The following GLP2R variants were observed in gnomAD, a reference collection of about 807,000 sequenced individuals.
GLP2R encodes glucagon like peptide 2 receptor, also known as glucagon-like peptide 2 receptor.
In GLP2R, 59 loss-of-function variants were observed where a neutral mutation model predicts 68.2. The ratio of observed to expected loss-of-function variants is 0.87; its 90% CI spans 0.70 to 1.07. The LOEUF is 1.07. Ranked by LOEUF, GLP2R falls within the 50% of genes least tolerant of loss-of-function variation. GLP2R has a pLI of 0.00. For synonymous variants in GLP2R, 270 were observed against 265.4 expected (o/e 1.02, Z -0.17); for missense variants, 548 against 677.4 (o/e 0.81, Z 2.12).
chr17:9,825,947 G>A lies in GLP2R; in HGVS notation c.-117G>A. On this transcript the variant is annotated 5_prime_UTR_variant, in exon 1 of 13. Coordinates refer to ENST00000262441, the MANE Select transcript of GLP2R (RefSeq NM_004246.3). ...TCAGACACTCTCGGCGCAGCGTGGAGAGGATTTGTGCAAACATTTCCTCTG... is the reference window on the plus strand; with the variant it reads ...TCAGACACTCTCGGCGCAGCGTGGAAAGGATTTGTGCAAACATTTCCTCTG... 1.2e-6 allele frequency: 1 copy of A among 830,042 alleles called. No individual in the cohort carries two copies. 51.4% of individuals were successfully genotyped at this position (830,042 alleles called of 1,614,324 possible).
chr17:9,853,489 G>C (rs2066910378), intron 4 of GLP2R, among the ~76,000 whole-genome samples: 1 of 152,162 alleles, frequency 6.6e-6, no homozygotes, highest in Admixed American at 6.5e-5. Flanking sequence ...AAAGATGAGA[G>C]AGAGAAAGTG....
In GLP2R at chr17:9,890,161, G is replaced by A. The variant is rs1357364348; in HGVS notation, c.*456G>A. 4 of 426,710 alleles carry A rather than the reference G, an allele frequency of 9.4e-6. No homozygotes were observed. The highest frequency in any genetic ancestry group is 1.9e-5 in the Non-Finnish European group (4 of 214,972). 26.4% of individuals were successfully genotyped at this position (426,710 alleles called of 1,614,324 possible). A position where few individuals can be genotyped will look rare whatever the true frequency, so the allele number is the denominator to read the frequency against. On this transcript the variant is annotated 3_prime_UTR_variant, in exon 13 of 13. Transcript: ENST00000262441. ...GACTTGTGGCTAAGATTCTAAGACAGTGAGTCTGGGACCATGGCCAGGAAT... is the reference window on the plus strand; with the variant it reads ...GACTTGTGGCTAAGATTCTAAGACAATGAGTCTGGGACCATGGCCAGGAAT...
intron 11 of GLP2R, among the ~76,000 whole-genome samples, chr17:9,886,023 G>A (rs907520297): frequency 1.3e-5 from 2 of 152,204 alleles, no homozygotes; most frequent in East Asian, 3.8e-4. Context: ...GTGGGCAGAG[G>A]ACTCCCACCT....
At chr17:9,857,255 G>A (rs1475694871) in intron 5 of GLP2R, among the ~76,000 whole-genome samples, 168 bp from the exon 6 acceptor site, 3 of 152,152 alleles carry the variant, frequency 2.0e-5, no homozygotes, top group Admixed American at 6.6e-5. Flanking sequence ...TACAAATGAC[G>A]AAACTGAGGC....
intron 10 of GLP2R, among the ~76,000 whole-genome samples, chr17:9,871,763 C>T (rs1455681482): frequency 4.0e-5 from 5 of 125,618 alleles, no homozygotes; most frequent in African/African-American, 5.7e-5. Context: ...TTGCTCTTGT[C>T]GCCCAGGCTG....
chr17:9,862,081 C>T lies in GLP2R; in HGVS notation c.1047C>T (p.Leu349=). Residue 349 remains leucine (L), a synonymous_variant, in exon 9 of 13, where the codon CTC becomes CTT. Coordinates refer to ENST00000262441, the MANE Select transcript of GLP2R (RefSeq NM_004246.3). ...GGATCATCCGAGGACCCATGATGCT[C>T]TGTGTAACAGTAAGGACCATCCCAT... The part of the protein sequence containing the change: ...IWWIIRGPMM[L]CVTVNFFIFL... 1 of 1,611,910 alleles carries T rather than the reference C, an allele frequency of 6.2e-7. No individual in the cohort carries two copies. Among genetic ancestry groups the T allele is most frequent in the Non-Finnish European group, 8.5e-7 (1 of 1,178,024 alleles).
chr17:9,852,048 G>GTTTTTGTT (rs1567724939), intron 4 of GLP2R, among the ~76,000 whole-genome samples: 3 of 109,458 alleles, frequency 2.7e-5, no homozygotes. Context: ...TATAGCATTT[G>GTTTTTGTT]TTTTTTTTTT....
At chr17:9,852,016 A>G (rs1248025564) in intron 4 of GLP2R, among the ~76,000 whole-genome samples, 1 of 151,980 alleles carries the variant, frequency 6.6e-6, no homozygotes, top group Non-Finnish European at 1.5e-5. Context: ...TGATGCAACC[A>G]AAGCAGTCAT....
chr17:9,836,243 C>T (rs1047221299), intron 2 of GLP2R, 128 bp from the exon 3 acceptor site: 15 of 663,772 alleles, frequency 2.3e-5, no homozygotes, highest in Non-Finnish European at 3.9e-5. Context: ...GGCACCCATG[C>T]TGGTTTCTGC....
At chr17:9,847,814 AGC>A (rs1003399916) in intron 4 of GLP2R, among the ~76,000 whole-genome samples, 3 of 152,118 alleles carry the variant, frequency 2.0e-5, no homozygotes, top group African/African-American at 7.2e-5. Context: ...GTTCCTTCAG[AGC>A]CTCGTGGGTG....
intron 1 of GLP2R, among the ~76,000 whole-genome samples, chr17:9,827,978 A>AAG (rs1406461188): frequency 1.3e-5 from 2 of 151,664 alleles, no homozygotes; most frequent in South Asian, 2.1e-4. Context: ...AAAAAAAAAA[A>AAG]AAGGAATGGC....
intron 11 of GLP2R, among the ~76,000 whole-genome samples, chr17:9,884,531 T>C (rs1237363780): frequency 6.6e-6 from 1 of 152,058 alleles, no homozygotes; most frequent in Non-Finnish European, 1.5e-5. Context: ...GTCTTAAAGG[T>C]CAAGTGCTGT....
intron 5 of GLP2R, among the ~76,000 whole-genome samples, chr17:9,855,033 TTTAA>T (rs76939276): frequency 0.15 from 23,354 of 152,152 alleles, 2,299 homozygotes; most frequent in Non-Finnish European, 0.23. Context: ...GAACTATTTA[TTTAA>T]TTATTTATTT....
chr17:9,826,557 T>G (rs930818602), intron 1 of GLP2R, among the ~76,000 whole-genome samples: 1 of 152,204 alleles, frequency 6.6e-6, no homozygotes, highest in East Asian at 1.9e-4. Context: ...CACGTCAATG[T>G]GAGTTCTGCA....
chr17:9,859,043 C>T (rs1338830175), intron 6 of GLP2R, among the ~76,000 whole-genome samples: 5 of 152,048 alleles, frequency 3.3e-5, no homozygotes, highest in African/African-American at 1.2e-4. Flanking sequence ...CTTTTTTTTA[C>T]ATGATCCTTA....
At chr17:9,827,432 G>A (rs888103033) in intron 1 of GLP2R, among the ~76,000 whole-genome samples, 2 of 152,090 alleles carry the variant, frequency 1.3e-5, no homozygotes, top group Non-Finnish European at 1.5e-5. Flanking sequence ...AGCAACATTC[G>A]TCCATGTTAG....
At chr17:9,843,849 A>G (rs1375632119) in intron 4 of GLP2R, among the ~76,000 whole-genome samples, 1 of 152,226 alleles carries the variant, frequency 6.6e-6, no homozygotes, top group African/African-American at 2.4e-5. Flanking sequence ...ACGATGGGTT[A>G]GGTTTTTGCA....
At position 9,889,395 on chromosome 17, in the gene GLP2R, G is replaced by A; in HGVS notation, c.1352G>A (p.Trp451Ter). The A allele has an allele frequency of 6.2e-7, 1 of 1,613,578 alleles. No homozygotes were observed. Among genetic ancestry groups the A allele is most frequent in the Non-Finnish European group, 8.5e-7 (1 of 1,179,514 alleles). Residue 451 changes from tryptophan (W) to a stop codon, truncating the protein, a stop_gained, in exon 13 of 13, where the codon TGG becomes TAG. Transcript: ENST00000262441. LOFTEE classifies it low-confidence loss of function (END_TRUNC). ...GTGAAGGCTGAGCTGCGGAAATACT[G>A]GGTCCGCTTCTTGCTAGCCCGCCAC... ...GEVKAELRKYWVRFLLARHSG... is the reference protein window; with the variant it reads ...GEVKAELRKY
intron 4 of GLP2R, among the ~76,000 whole-genome samples, chr17:9,849,681 C>T (rs1597385655): frequency 1.5e-5 from 2 of 130,670 alleles, no homozygotes; most frequent in African/African-American, 3.0e-5. Flanking sequence ...GGCGTGATCT[C>T]GGCTCACTGC....
Sources: gnomAD v4.1 joint callset for allele counts (sites outside exome capture counted in the v4.1 genomes callset) on GRCh38, gnomAD v4.1.1 for gene constraint, MANE v1.5 for transcripts, NCBI Gene and HGNC (gene_info 2026-07-23, HGNC 2026-07-21) for gene names.